Variants in MGARP observed in about 807,000 individuals in gnomAD.
MGARP encodes the protein protein MGARP.
In MGARP, 12 loss-of-function variants were observed where a neutral mutation model predicts 11.0. The observed-to-expected ratio is 1.09, with a 90% CI of 0.70 to 1.77. The LOEUF is 1.77. Among genes scored for constraint, MGARP ranks in the 40% most tolerant of loss-of-function variants. The pLI is 0.00. For synonymous variants in MGARP, 110 were observed against 115.4 expected, an observed-to-expected ratio of 0.95 and a Z score of 0.30; for missense variants, 283 against 297.8, an observed-to-expected ratio of 0.95 and a Z score of 0.36.
chr4:139,273,566 G>C (rs1177672150), intron 2 of MGARP, among the ~76,000 whole-genome samples: 1 of 144,288 alleles, frequency 6.9e-6, no homozygotes, highest in African/African-American at 2.6e-5. Flanking sequence ...CCAGCCTGGA[G>C]TGCAGTGGCA....
rs1234459603 is a variant in MGARP at position 139,275,501 on chromosome 4, CATCAA to C, written c.83-114_83-110del. ...ACTCAGTGAACCTAGAATCTATTAA[CATCAA>C]GTGATTTTAGCTTAAGGGAATACAG... On this transcript the variant is annotated intron_variant, in intron 1 of 3. Coordinates refer to ENST00000398955, the MANE Select transcript of MGARP (RefSeq NM_032623.4). The C allele has an allele frequency of 3.9e-6, 3 of 768,142 alleles. No homozygotes were observed. In the African/African-American group the frequency reaches 5.3e-5, roughly 14 times the overall value. The allele number at this position is 768,142 out of a possible 1,614,324, so 47.6% of individuals were successfully genotyped here.
chr4:139,270,911 A>T lies in MGARP; in HGVS notation c.187-2146T>A, dbSNP rs1004812280. Among the ~76,000 whole-genome samples the T allele has an allele frequency of 2.0e-5, 3 of 152,160 alleles. No individual in the cohort carries two copies. In the East Asian group the frequency reaches 5.8e-4, roughly 29 times the overall value. ...TACACAAGTTCACATCCCTGAAAGG[A>T]TCATTCCAGGAACAACATTCCAAGG... is the stretch of plus-strand genomic sequence containing the variant. On this transcript the variant is annotated intron_variant, in intron 2 of 3. Coordinates refer to ENST00000398955, the MANE Select transcript of MGARP (RefSeq NM_032623.4).
intron 2 of MGARP, among the ~76,000 whole-genome samples, chr4:139,270,796 A>G (rs1160721193): frequency 5.3e-5 from 8 of 152,018 alleles, no homozygotes; most frequent in Admixed American, 5.3e-4. Context: ...AGCAAGGAAT[A>G]TTTTCCGAGT....
intron 1 of MGARP, among the ~76,000 whole-genome samples, chr4:139,276,914 T>C (rs1042661945): frequency 2.0e-5 from 3 of 152,220 alleles, no homozygotes; most frequent in African/African-American, 7.2e-5. Flanking sequence ...TTTTGGAATA[T>C]ATGCATACAC....
At chr4:139,271,295 GC>G (rs1706358501) in intron 2 of MGARP, among the ~76,000 whole-genome samples, 2 of 152,200 alleles carry the variant, frequency 1.3e-5, no homozygotes, top group South Asian at 4.1e-4. Flanking sequence ...GGAGGCCGAG[GC>G]GGGTGGATCA....
chr4:139,276,078 C>T (rs965151613), intron 1 of MGARP, among the ~76,000 whole-genome samples: 4 of 152,084 alleles, frequency 2.6e-5, no homozygotes, highest in South Asian at 2.1e-4. Context: ...TTTGCATATC[C>T]TATAATGCCC....
At position 139,266,920 on chromosome 4, in the gene MGARP, T is replaced by C. The variant is rs1464604266; in HGVS notation, c.402A>G (p.Lys134=). 12 of 1,614,074 alleles carry C rather than the reference T, an allele frequency of 7.4e-6. No homozygotes were observed. Among genetic ancestry groups the C allele is most frequent in the Non-Finnish European group, 1.0e-5 (12 of 1,180,034 alleles). Residue 134 remains lysine (K), a synonymous_variant, in exon 4 of 4, where the codon AAA becomes AAG. Transcript: ENST00000398955. ...CGTGACCTGGACAGGCAGATGCCTC[T>C]TTTATGACCACAACTGTAGCACTGG... ...ESPSATVVVI[K]EASACPGHVE...
In MGARP at chr4:139,275,288, C is replaced by T. The variant is rs777999938; in HGVS notation, c.186+1G>A. 11 of 1,606,584 alleles carry T rather than the reference C, an allele frequency of 6.8e-6. No homozygotes were observed. Among genetic ancestry groups the T allele is most frequent in the Non-Finnish European group, 9.4e-6 (11 of 1,173,726 alleles). ...AGCACTGTGGTTATATAATCACTTACATAATATCCACCAGCACTGACTGTG... is the reference window on the plus strand; with the variant it reads ...AGCACTGTGGTTATATAATCACTTATATAATATCCACCAGCACTGACTGTG... On this transcript the variant is annotated splice_donor_variant, in intron 2 of 3. Coordinates refer to ENST00000398955, the MANE Select transcript of MGARP (RefSeq NM_032623.4). LOFTEE classifies it high-confidence loss of function.
intron 1 of MGARP, among the ~76,000 whole-genome samples, chr4:139,278,836 G>A (rs577669342): frequency 5.9e-5 from 9 of 152,190 alleles, no homozygotes; most frequent in African/African-American, 2.2e-4. Flanking sequence ...CTAGGAAAAC[G>A]AAGATGTCTT....
rs1004881275 is a variant in MGARP at position 139,275,389 on chromosome 4, G to A, written c.86C>T (p.Ser29Phe). Residue 29 changes from serine (S) to phenylalanine (F), a missense_variant, in exon 2 of 4, where the codon TCT becomes TTT. Transcript: ENST00000398955. ...PNPAPLGKDA[S>F]LRRMSSNRFP... ...TCTGTTAGATGACATCCGGCGCAGA[G>A]ATGCTAGGAAAAAAATGTTTAAACA... 6.2e-6 allele frequency: 10 copies of A among 1,611,652 alleles called. No homozygotes were observed. Among genetic ancestry groups the A allele is most frequent in the Non-Finnish European group, 8.5e-6 (10 of 1,179,076 alleles).
At chr4:139,274,880 A>G (rs1364937400) in intron 2 of MGARP, among the ~76,000 whole-genome samples, 2 of 152,248 alleles carry the variant, frequency 1.3e-5, no homozygotes, top group African/African-American at 4.8e-5. Context: ...TAAATGATCC[A>G]GGAGTCTGGC....
intron 2 of MGARP, among the ~76,000 whole-genome samples, chr4:139,274,492 A>T: frequency 6.6e-6 from 1 of 151,744 alleles, no homozygotes; most frequent in South Asian, 2.1e-4. Context: ...ATTTTTTTAA[A>T]TTTTTTTTGG....
intron 2 of MGARP, among the ~76,000 whole-genome samples, chr4:139,269,888 T>C (rs1744752665): frequency 6.6e-6 from 1 of 152,260 alleles, no homozygotes; most frequent in African/African-American, 2.4e-5. Context: ...CTAAAATTTA[T>C]TTATATATAG....
At position 139,270,578 on chromosome 4, in the gene MGARP, C is replaced by T. The variant is rs140209369; in HGVS notation, c.187-1813G>A. The stretch of plus-strand genomic sequence containing the variant: ...GAGCAGAGATCGTACCACTGCACTC[C>T]AGCCTGGGCGACAGAGCGAGACCGC... On this transcript the variant is annotated intron_variant, in intron 2 of 3. Coordinates refer to ENST00000398955, the MANE Select transcript of MGARP (RefSeq NM_032623.4). Among the ~76,000 whole-genome samples, 550 of 143,540 alleles carry T rather than the reference C, an allele frequency of 3.8e-3. 3 individuals carry two copies. Among genetic ancestry groups the T allele is most frequent in the African/African-American group, 0.013 (510 of 38,220 alleles). The allele number at this position is 143,540 out of a possible 152,430, so 94.2% of individuals were successfully genotyped here. A position where few individuals can be genotyped will look rare whatever the true frequency, so the allele number is the denominator to read the frequency against.
intron 2 of MGARP, among the ~76,000 whole-genome samples, chr4:139,269,371 G>A (rs1222888151): frequency 6.6e-6 from 1 of 152,156 alleles, no homozygotes; most frequent in African/African-American, 2.4e-5. Context: ...GCTCATGCCT[G>A]TAATCCCAGC....
rs770729619 is a variant in MGARP at position 139,268,684 on chromosome 4, G to C, written c.268C>G (p.His90Asp). 8.7e-5 allele frequency: 139 copies of C among 1,602,080 alleles called. No individual in the cohort carries two copies. The highest frequency in any genetic ancestry group is 1.1e-4 in the Non-Finnish European group (125 of 1,173,698). ...GAAATTCATTTACCTTGAAATGGAT[G>C]TATCTCTGCTTTTGTTTTTTCTTTC... ...NLKEKTKAEIHPFQGEKENVA... is the reference protein window; with the variant it reads ...NLKEKTKAEIDPFQGEKENVA... Residue 90 changes from histidine to aspartate, a missense_variant, in exon 3 of 4, where the codon CAT (histidine) becomes GAT (aspartate). Physicochemically the swap from His to Asp is moderately conservative, Grantham distance 81. Transcript: ENST00000398955.
chr4:139,270,311 A>AAG (rs1553988361), intron 2 of MGARP, among the ~76,000 whole-genome samples: 2 of 150,906 alleles, frequency 1.3e-5, no homozygotes, highest in African/African-American at 4.9e-5. Flanking sequence ...AAAAAAAAAA[A>AAG]AAAGAAAGAA....
At chr4:139,272,508 G>A (rs529462023) in intron 2 of MGARP, among the ~76,000 whole-genome samples, 1 of 142,550 alleles carries the variant, frequency 7.0e-6, no homozygotes, top group Admixed American at 7.2e-5. Context: ...GCAGTGAGCC[G>A]AGATTGCATC....
Position 139,266,699 on chromosome 4 carries a change from A to G in MGARP, c.623T>C (p.Leu208Pro). ...KNETSDEYAE[L>P]EEENSPAESE... is the part of the protein sequence containing the mutation. The stretch of plus-strand genomic sequence containing the variant: ...CTCAGCTGGAGAATTTTCTTCTTCT[A>G]GTTCAGCATATTCATCAGAGGTTTC... The change falls in exon 4 of 4, where the codon CTA becomes CCA. Residue 208 changes from leucine (L) to proline (P), a missense_variant. Leu to Pro is a moderately conservative substitution (Grantham distance 98). Coordinates refer to ENST00000398955, the MANE Select transcript of MGARP (RefSeq NM_032623.4). 1.2e-6 allele frequency: 2 copies of G among 1,614,064 alleles called. No individual in the cohort carries two copies. The highest frequency in any genetic ancestry group is 2.2e-5 in the South Asian group (2 of 91,080).
Sources: gnomAD v4.1 joint callset for allele counts (sites outside exome capture counted in the v4.1 genomes callset) on GRCh38, gnomAD v4.1.1 for gene constraint, MANE v1.5 for transcripts, NCBI Gene and HGNC (gene_info 2026-07-23, HGNC 2026-07-21) for gene names.